CHN2: variants seen among roughly 807,000 people sequenced by gnomAD.
CHN2 encodes the protein chimerin 2, also known as beta-chimaerin.
A neutral mutation model predicts 56.3 loss-of-function variants in CHN2; 35 were observed. The observed-to-expected ratio is 0.62, with a 90% CI of 0.47 to 0.82. CHN2 has a LOEUF of 0.82. Among genes scored for constraint, CHN2 ranks in the 40% least tolerant of loss-of-function variants. The pLI, the probability that CHN2 is intolerant of heterozygous loss-of-function variation, is 0.00. For missense variants in CHN2, 491 were observed against 580.5 expected (o/e 0.85, Z 1.58); for synonymous variants, 210 against 212.8 (o/e 0.99, Z 0.12).
At chr7:29,317,573 C>T (rs978397849) in intron 1 of CHN2, among the ~76,000 whole-genome samples, 1 of 152,206 alleles carries the variant, frequency 6.6e-6, no homozygotes, top group African/African-American at 2.4e-5. Flanking sequence ...GTTTCAGAAG[C>T]ACTGCCCCAG....
chr7:29,337,540 A>G (rs1476219389), intron 1 of CHN2, among the ~76,000 whole-genome samples: 2 of 152,172 alleles, frequency 1.3e-5, no homozygotes, highest in Non-Finnish European at 2.9e-5. Context: ...TCTTGCGGAA[A>G]TCATTGGGAC....
intron 6 of CHN2, among the ~76,000 whole-genome samples, chr7:29,421,357 T>C (rs61669059): frequency 0.02 from 3,086 of 152,236 alleles, 129 homozygotes; most frequent in African/African-American, 0.071. Flanking sequence ...TGGGCTACTT[T>C]AGTGCCTCTC....
chr7:29,243,716 A>C (rs1787861317), intron 1 of CHN2, among the ~76,000 whole-genome samples: 1 of 152,176 alleles, frequency 6.6e-6, no homozygotes, highest in African/African-American at 2.4e-5. Flanking sequence ...AGACAAGGAG[A>C]GTTTCACCAG....
At chr7:29,512,282 C>T (rs2128605100) in intron 12 of CHN2, among the ~76,000 whole-genome samples, 1 of 146,990 alleles carries the variant, frequency 6.8e-6, no homozygotes, top group East Asian at 2.0e-4. Flanking sequence ...GATAGTTCCA[C>T]ATTTACTTAA....
chr7:29,203,792 T>G (rs1050934449), intron 1 of CHN2, among the ~76,000 whole-genome samples: 1 of 152,194 alleles, frequency 6.6e-6, no homozygotes, highest in African/African-American at 2.4e-5. Context: ...GGTCCCTGTT[T>G]GGTTTTAGTC....
At chr7:29,303,797 C>T (rs1216114532) in intron 1 of CHN2, among the ~76,000 whole-genome samples, 6 of 152,294 alleles carry the variant, frequency 3.9e-5, no homozygotes, top group East Asian at 1.9e-4. Context: ...TGGTGGCTCA[C>T]GCTTGTAATC....
intron 3 of CHN2, among the ~76,000 whole-genome samples, chr7:29,389,036 C>T (rs1316535759): frequency 6.6e-6 from 1 of 152,228 alleles, no homozygotes; most frequent in African/African-American, 2.4e-5. Context: ...GCCAAGTTCC[C>T]ATTGCTCAGA....
At chr7:29,401,111 A>G in intron 6 of CHN2, 2 of 336,576 alleles carry the variant, frequency 5.9e-6, no homozygotes, top group Non-Finnish European at 1.1e-5. Flanking sequence ...TACAAAAAAT[A>G]CAAAAAATCA....
intron 6 of CHN2, among the ~76,000 whole-genome samples, chr7:29,419,927 G>T (rs1182070734): frequency 6.6e-6 from 1 of 152,068 alleles, no homozygotes; most frequent in Admixed American, 6.5e-5. Context: ...AGGCATGGTG[G>T]CACGCACCTG....
intron 6 of CHN2, among the ~76,000 whole-genome samples, chr7:29,431,530 A>T (rs1196291714): frequency 6.6e-6 from 1 of 152,208 alleles, no homozygotes; most frequent in Non-Finnish European, 1.5e-5. Flanking sequence ...CTTACTGGGC[A>T]TGGTGGGCAC....
intron 1 of CHN2, among the ~76,000 whole-genome samples, chr7:29,278,569 T>A (rs1356644545): frequency 6.6e-6 from 1 of 152,164 alleles, no homozygotes; most frequent in Non-Finnish European, 1.5e-5. Flanking sequence ...AGATTAGAAT[T>A]CATCTTGCTT....
chr7:29,298,639 G>T (rs1793388779), intron 1 of CHN2, among the ~76,000 whole-genome samples: 1 of 152,186 alleles, frequency 6.6e-6, no homozygotes, highest in African/African-American at 2.4e-5. Flanking sequence ...CACCTGGCAG[G>T]ATTAGCAGGA....
intron 6 of CHN2, among the ~76,000 whole-genome samples, chr7:29,443,470 A>G (rs1418602057): frequency 6.6e-6 from 1 of 152,122 alleles, no homozygotes; most frequent in Non-Finnish European, 1.5e-5. Context: ...CTAATGATGC[A>G]TTTCTCAGAA....
At chr7:29,287,172 G>C (rs1792214750) in intron 1 of CHN2, among the ~76,000 whole-genome samples, 1 of 152,120 alleles carries the variant, frequency 6.6e-6, no homozygotes, top group South Asian at 2.1e-4. Context: ...CACCAAGAGG[G>C]CAGAGAGACT....
At chr7:29,341,534 G>T (rs567830895) in intron 1 of CHN2, among the ~76,000 whole-genome samples, 1 of 151,940 alleles carries the variant, frequency 6.6e-6, no homozygotes, top group East Asian at 1.9e-4. Flanking sequence ...AGAGTTGCAA[G>T]TAGTACCTGA....
intron 2 of CHN2, among the ~76,000 whole-genome samples, chr7:29,162,372 A>ACC (rs1256211228): frequency 1.2e-4 from 18 of 152,194 alleles, no homozygotes; most frequent in African/African-American, 3.4e-4. Flanking sequence ...TCTTAAGAAC[A>ACC]TTATGATGGC....
intron 6 of CHN2, among the ~76,000 whole-genome samples, chr7:29,437,562 C>T: frequency 7.0e-6 from 1 of 143,484 alleles, no homozygotes; most frequent in Admixed American, 7.0e-5. Context: ...CGCGCCACTG[C>T]ACTCCAGCCT....
intron 1 of CHN2, among the ~76,000 whole-genome samples, chr7:29,209,763 C>T (rs1467888287): frequency 6.6e-6 from 1 of 152,146 alleles, no homozygotes; most frequent in African/African-American, 2.4e-5. Flanking sequence ...ATTAGCAGTT[C>T]TTTGTTTTTA....
At chr7:29,161,135 GA>G (rs1405753897) in intron 2 of CHN2, among the ~76,000 whole-genome samples, 1 of 152,128 alleles carries the variant, frequency 6.6e-6, no homozygotes, top group Non-Finnish European at 1.5e-5. Context: ...TGATGAGCAA[GA>G]TAGAGGAAGG....
Sources: allele counts gnomAD v4.1 joint callset (sites outside exome capture counted in the v4.1 genomes callset), GRCh38; gene constraint gnomAD v4.1.1; transcripts MANE v1.5; gene names NCBI Gene and HGNC (gene_info 2026-07-23, HGNC 2026-07-21).